The following UMAD1 variants were observed in gnomAD, a reference collection of about 807,000 sequenced individuals.
UMAD1 encodes UBAP1-MVB12-associated (UMA) domain containing 1.
A neutral mutation model predicts 6.1 loss-of-function variants in UMAD1; 8 were observed. That is an observed-to-expected ratio of 1.30 (90% CI 0.76 to 2.35). The LOEUF is 2.35. Among genes scored for constraint, UMAD1 ranks in the 30% most tolerant of loss-of-function variants. The pLI, the probability that UMAD1 is intolerant of heterozygous loss-of-function variation, is 0.00. For synonymous variants in UMAD1, 56 were observed against 31.4 expected (o/e 1.78, Z -2.61); for missense variants, 130 against 78.4 (o/e 1.66, Z -2.49).
intron 2 of UMAD1, among the ~76,000 whole-genome samples, chr7:7,700,934 C>G (rs998054926): frequency 6.6e-6 from 1 of 152,006 alleles, no homozygotes; most frequent in Non-Finnish European, 1.5e-5. Flanking sequence ...CCTGTAGTCC[C>G]ACCTACATGG....
intron 2 of UMAD1, among the ~76,000 whole-genome samples, chr7:7,684,206 A>ATTT (rs112128125): frequency 6.9e-6 from 1 of 144,840 alleles, no homozygotes. Context: ...CACAGATGCA[A>ATTT]TTTTTTTTTT....
chr7:7,741,938 C>G (rs4725021), intron 2 of UMAD1: 4 of 185,680 alleles, frequency 2.2e-5, no homozygotes, highest in Admixed American at 1.1e-4. Flanking sequence ...TAAAATCAAT[C>G]GTTTTATAGT....
At chr7:7,722,665 C>T (rs1172804382) in intron 2 of UMAD1, among the ~76,000 whole-genome samples, 3 of 152,146 alleles carry the variant, frequency 2.0e-5, no homozygotes, top group Non-Finnish European at 4.4e-5. Context: ...CCTAAGACTG[C>T]CCTCAGTGAG....
chr7:7,670,803 C>G (rs1446696480), intron 1 of UMAD1, among the ~76,000 whole-genome samples: 2 of 152,126 alleles, frequency 1.3e-5, no homozygotes, highest in Non-Finnish European at 2.9e-5. Flanking sequence ...CAAAGGCGAA[C>G]AAAGGGAGAG....
intron 2 of UMAD1, among the ~76,000 whole-genome samples, chr7:7,745,806 C>T (rs568615031): frequency 6.6e-6 from 1 of 152,304 alleles, no homozygotes; most frequent in African/African-American, 2.4e-5. Context: ...TCCATTCCCC[C>T]TCATTGGAGC....
chr7:7,867,563 T>A (rs1054687425), intron 3 of UMAD1, among the ~76,000 whole-genome samples: 1 of 152,142 alleles, frequency 6.6e-6, no homozygotes, highest in South Asian at 2.1e-4. Context: ...CATTTCAGAT[T>A]AGCACTTCCA....
At chr7:7,784,327 T>TA (rs1234493699) in intron 2 of UMAD1, among the ~76,000 whole-genome samples, 3 of 137,442 alleles carry the variant, frequency 2.2e-5, no homozygotes, top group Admixed American at 1.6e-4. Flanking sequence ...ATTTTCTACT[T>TA]AAAATCTCTG....
rs979190535 is a variant in UMAD1, at chr7:7,878,940, A to G, written c.*1402A>G. 1.4e-4 allele frequency: 22 copies of G among 152,230 alleles called. No individual in the cohort carries two copies. Among genetic ancestry groups the G allele is most frequent in the African/African-American group, 5.3e-4 (22 of 41,472 alleles). 9.4% of individuals were successfully genotyped at this position (152,230 alleles called of 1,614,324 possible). On this transcript the variant is annotated 3_prime_UTR_variant, in exon 4 of 4. Transcript: ENST00000682710. ...CTTACAAAGCATCAGTCTAGGAAAT[A>G]TGACTTATTACTGATGCAAACGTGA...
chr7:7,812,029 A>G (rs557521284), intron 3 of UMAD1, among the ~76,000 whole-genome samples: 8 of 152,176 alleles, frequency 5.3e-5, no homozygotes, highest in African/African-American at 1.9e-4. Flanking sequence ...TCTTTTTCGT[A>G]ACTTCAAATT....
At chr7:7,683,172 G>T (rs1779954548) in intron 2 of UMAD1, among the ~76,000 whole-genome samples, 1 of 152,046 alleles carries the variant, frequency 6.6e-6, no homozygotes, top group African/African-American at 2.4e-5. Context: ...ATTTTTTTCG[G>T]GGACTCAGTG....
intron 3 of UMAD1, among the ~76,000 whole-genome samples, chr7:7,811,074 T>C (rs1365626777): frequency 6.6e-6 from 1 of 152,178 alleles, no homozygotes; most frequent in Non-Finnish European, 1.5e-5. Flanking sequence ...TAAAGGCATA[T>C]TTTCCCCCGC....
chr7:7,798,842 C>T (rs78131774), intron 2 of UMAD1, among the ~76,000 whole-genome samples: 1 of 152,174 alleles, frequency 6.6e-6, no homozygotes, highest in Admixed American at 6.5e-5. Context: ...TTTCACTCTC[C>T]TGTAAATTGG....
chr7:7,691,564 C>A (rs1168329791), intron 2 of UMAD1, among the ~76,000 whole-genome samples: 5 of 152,168 alleles, frequency 3.3e-5, no homozygotes, highest in Non-Finnish European at 7.4e-5. Context: ...AACTCTGCTG[C>A]TTATTTTCTT....
intron 2 of UMAD1, among the ~76,000 whole-genome samples, chr7:7,783,260 TG>T (rs1452227700): frequency 6.6e-6 from 1 of 152,258 alleles, no homozygotes; most frequent in Non-Finnish European, 1.5e-5. Context: ...CAGAATAGTC[TG>T]TAAGCCAGGG....
At chr7:7,804,025 A>G (rs1000676074) in intron 3 of UMAD1, among the ~76,000 whole-genome samples, 4 of 152,238 alleles carry the variant, frequency 2.6e-5, no homozygotes, top group Non-Finnish European at 4.4e-5. Flanking sequence ...AGAGCTTTCA[A>G]ACAAGCTCAT....
At chr7:7,808,798 A>G (rs777133923) in intron 3 of UMAD1, among the ~76,000 whole-genome samples, 1 of 152,006 alleles carries the variant, frequency 6.6e-6, no homozygotes, top group Non-Finnish European at 1.5e-5. Flanking sequence ...CCATAATTCC[A>G]TTTGTGTATT....
chr7:7,670,109 A>G lies in UMAD1; in HGVS notation c.-63-3200A>G, dbSNP rs531337464. On this transcript the variant is annotated intron_variant, in intron 1 of 3. Coordinates refer to ENST00000682710, the MANE Select transcript of UMAD1 (RefSeq NM_001302348.2). ...TAATTACTTGTTATAAATTCCATAC[A>G]CAATACTTGGGTTAAAAACAGGTTG... is the stretch of plus-strand genomic sequence containing the variant. Among the ~76,000 whole-genome samples the G allele has an allele frequency of 3.3e-5, 5 of 152,314 alleles. No homozygotes were observed. The East Asian group carries it at 9.6e-4, about 29-fold the overall frequency.
At chr7:7,855,732 A>G (rs961357096) in intron 3 of UMAD1, among the ~76,000 whole-genome samples, 1 of 152,210 alleles carries the variant, frequency 6.6e-6, no homozygotes, top group Non-Finnish European at 1.5e-5. Context: ...TACTTATGCA[A>G]GTTTCTGCAG....
chr7:7,765,195 G>A (rs1275354091), intron 2 of UMAD1, among the ~76,000 whole-genome samples: 1 of 151,854 alleles, frequency 6.6e-6, no homozygotes, highest in East Asian at 1.9e-4. Flanking sequence ...CTCATATCTT[G>A]CCTCTCATCA....
Sources: gnomAD v4.1 joint callset for allele counts (sites outside exome capture counted in the v4.1 genomes callset) on GRCh38, gnomAD v4.1.1 for gene constraint, MANE v1.5 for transcripts, NCBI Gene and HGNC (gene_info 2026-07-23, HGNC 2026-07-21) for gene names.